KIF5C: variants seen among roughly 807,000 people sequenced by gnomAD.
The protein encoded by KIF5C is kinesin heavy chain isoform 5C.
A neutral mutation model predicts 125.2 loss-of-function variants in KIF5C; 18 were observed. The observed-to-expected ratio is 0.14, with a 90% CI of 0.10 to 0.21. KIF5C has a LOEUF of 0.21. Among genes scored for constraint, KIF5C ranks in the 10% least tolerant of loss-of-function variants. The pLI is 1.00. For synonymous variants in KIF5C, 405 were observed against 434.0 expected, an observed-to-expected ratio of 0.93 and a Z score of 0.83; for missense variants, 780 against 1,183.8, an observed-to-expected ratio of 0.66 and a Z score of 5.01.
chr2:148,916,999 A>G (rs1048892371), intron 1 of KIF5C, among the ~76,000 whole-genome samples: 4 of 152,206 alleles, frequency 2.6e-5, no homozygotes, highest in Non-Finnish European at 5.9e-5. Context: ...CTGAAAAATT[A>G]TACAATTTTA....
intron 1 of KIF5C, among the ~76,000 whole-genome samples, chr2:148,898,593 C>A (rs1025490785): frequency 3.9e-5 from 6 of 152,102 alleles, no homozygotes; most frequent in African/African-American, 1.4e-4. Flanking sequence ...TGAGACTTGA[C>A]GGGCCATTAC....
At chr2:148,976,762 G>A (rs547747418) in intron 12 of KIF5C, among the ~76,000 whole-genome samples, 12 of 149,802 alleles carry the variant, frequency 8.0e-5, no homozygotes, top group African/African-American at 3.0e-4. Flanking sequence ...TGTATGTTTT[G>A]TAGAGACGGA....
intron 15 of KIF5C, among the ~76,000 whole-genome samples, chr2:148,988,206 C>T (rs1681433752): frequency 6.6e-6 from 1 of 151,136 alleles, no homozygotes; most frequent in South Asian, 2.1e-4. Context: ...AACTTTTGAA[C>T]ATGAAACCAC....
At chr2:148,884,185 G>T (rs1244802509) in intron 1 of KIF5C, 1 of 152,184 alleles carries the variant, frequency 6.6e-6, no homozygotes, top group Non-Finnish European at 1.5e-5. Flanking sequence ...GCTGTCTTTT[G>T]TCAGTTTCAA....
rs145536368 is a variant in KIF5C at position 148,926,894 on chromosome 2, A to G, written c.218-2387A>G. On this transcript the variant is annotated intron_variant, in intron 2 of 25. Transcript: ENST00000435030. ...TGAATGAACTGTAACGTGATTGTAA[A>G]TACTTTCAGTACTTTCAGGGCCGTG... Among the ~76,000 whole-genome samples, 182 of 152,256 alleles carry G rather than the reference A, an allele frequency of 1.2e-3. 1 individual carries two copies. Among genetic ancestry groups the G allele is most frequent in the African/African-American group, 4.1e-3 (171 of 41,540 alleles).
intron 11 of KIF5C, among the ~76,000 whole-genome samples, chr2:148,967,655 T>A (rs115321344): frequency 4.6e-5 from 7 of 152,332 alleles, no homozygotes; most frequent in African/African-American, 1.7e-4. Flanking sequence ...AATCTACTAG[T>A]GACATCTTGT....
At chr2:149,004,503 C>T (rs531191402) in intron 21 of KIF5C, among the ~76,000 whole-genome samples, 5 of 152,264 alleles carry the variant, frequency 3.3e-5, no homozygotes, top group African/African-American at 1.2e-4. Context: ...AGATTTGGCT[C>T]AGGCTCTTGT....
chr2:148,975,500 A>G (rs1402872877), intron 12 of KIF5C, among the ~76,000 whole-genome samples: 2 of 152,170 alleles, frequency 1.3e-5, no homozygotes, highest in Admixed American at 6.5e-5. Context: ...AGCTAGGATG[A>G]AGTTACATAT....
At chr2:148,941,321 C>G (rs145773509) in intron 4 of KIF5C, among the ~76,000 whole-genome samples, 1 of 152,168 alleles carries the variant, frequency 6.6e-6, no homozygotes, top group Non-Finnish European at 1.5e-5. Flanking sequence ...AACTTAAAGC[C>G]TAGAGTCCTC....
At chr2:149,014,357 A>G (rs942119267) in intron 25 of KIF5C, among the ~76,000 whole-genome samples, 3 of 152,170 alleles carry the variant, frequency 2.0e-5, no homozygotes, top group African/African-American at 7.2e-5. Context: ...AAGTGTTACA[A>G]GTGGTTTTGA....
intron 11 of KIF5C, among the ~76,000 whole-genome samples, chr2:148,968,763 G>T (rs1483036158): frequency 6.9e-6 from 1 of 145,076 alleles, no homozygotes; most frequent in Admixed American, 6.7e-5. Context: ...TCTCATAAAA[G>T]AATGATTTTT....
chr2:148,908,064 T>C (rs1242791977), intron 1 of KIF5C, among the ~76,000 whole-genome samples: 1 of 152,264 alleles, frequency 6.6e-6, no homozygotes, highest in Non-Finnish European at 1.5e-5. Flanking sequence ...CTGGATTTTC[T>C]TTTGTTTCAG....
rs1574843187 is a variant in KIF5C at position 149,019,947 on chromosome 2, C to T, written c.*8-3131C>T. Among the ~76,000 whole-genome samples, 2 of 152,188 alleles carry T rather than the reference C, an allele frequency of 1.3e-5. 1 individual carries two copies. The highest frequency in any genetic ancestry group is 4.1e-4 in the South Asian group (2 of 4,830). ...ACGTTGCCACTTTGAATTACCATCT[C>T]CAGTTTGGCAGAGTGCCAGGGGAAG... On this transcript the variant is annotated intron_variant, in intron 25 of 25. Transcript: ENST00000435030.
At chr2:148,906,576 A>T (rs1361263445) in intron 1 of KIF5C, among the ~76,000 whole-genome samples, 4 of 151,980 alleles carry the variant, frequency 2.6e-5, no homozygotes, top group Admixed American at 2.6e-4. Flanking sequence ...TAAAATAAAA[A>T]TAATGAAGTC....
At position 148,941,212 on chromosome 2, in the gene KIF5C, A is replaced by T. The variant is rs189806046; in HGVS notation, c.397-398A>T. Reference sequence around the variant, plus strand: ...CCCTTGCCCTCTCCTGGCTTCTTGCATGTGAACATTTGGGCTAAGTCTCCT... The same window carrying T: ...CCCTTGCCCTCTCCTGGCTTCTTGCTTGTGAACATTTGGGCTAAGTCTCCT... On this transcript the variant is annotated intron_variant, in intron 4 of 25. Coordinates refer to ENST00000435030, the MANE Select transcript of KIF5C (RefSeq NM_004522.3). Among the ~76,000 whole-genome samples the T allele has an allele frequency of 2.4e-3, 364 of 152,308 alleles. 1 individual carries two copies. Among genetic ancestry groups the T allele is most frequent in the Non-Finnish European group, 4.1e-3 (280 of 68,028 alleles).
chr2:148,942,841 G>A, intron 7 of KIF5C, 81 bp downstream of exon 7: 3 of 1,552,460 alleles, frequency 1.9e-6, no homozygotes, highest in Non-Finnish European at 2.6e-6. Context: ...TGGGGAATTA[G>A]GTACAAATGA....
At chr2:148,917,698 C>T (rs1681616819) in intron 1 of KIF5C, among the ~76,000 whole-genome samples, 1 of 152,210 alleles carries the variant, frequency 6.6e-6, no homozygotes, top group African/African-American at 2.4e-5. Flanking sequence ...TAGTCAGTTC[C>T]TCTTCTGAAT....
Position 149,026,549 on chromosome 2 carries a change from G to T in KIF5C, c.*3479G>T, listed in dbSNP as rs1270928162. On this transcript the variant is annotated 3_prime_UTR_variant, in exon 26 of 26. Transcript: ENST00000435030. ...AAATTGTGGACAAACTTGTCCGGGG[G>T]GTTTGAGGGGAGAATGGTGGTTTAT... The T allele has an allele frequency of 6.6e-6, 1 of 152,572 alleles. No individual in the cohort carries two copies. Among genetic ancestry groups the T allele is most frequent in the East Asian group, 1.9e-4 (1 of 5,196 alleles). The allele number at this position is 152,572 out of a possible 1,614,324, so 9.5% of individuals were successfully genotyped here.
chr2:148,965,368 G>A (rs1182520187), intron 11 of KIF5C, among the ~76,000 whole-genome samples: 2 of 152,098 alleles, frequency 1.3e-5, no homozygotes, highest in African/African-American at 2.4e-5. Flanking sequence ...CCATTGCCAC[G>A]TCACCACTGG....
Sources: gnomAD v4.1 joint callset for allele counts (sites outside exome capture counted in the v4.1 genomes callset) on GRCh38, gnomAD v4.1.1 for gene constraint, MANE v1.5 for transcripts, NCBI Gene and HGNC (gene_info 2026-07-23, HGNC 2026-07-21) for gene names.